DHX34: variants seen among roughly 807,000 people sequenced by gnomAD.
DHX34 encodes DExH-box helicase 34.
DHX34 carries 96 observed loss-of-function variants against 111.1 expected under a neutral mutation model. That is an observed-to-expected ratio of 0.86 (90% CI 0.73 to 1.02). DHX34 has a LOEUF of 1.02. Among genes scored for constraint, DHX34 ranks in the 50% least tolerant of loss-of-function variants. DHX34 has a pLI of 0.00. For missense variants in DHX34, 1,560 were observed against 1,579.9 expected, an observed-to-expected ratio of 0.99 and a Z score of 0.21; for synonymous variants, 688 against 670.4, an observed-to-expected ratio of 1.03 and a Z score of -0.41.
chr19:47,358,109 G>T lies in DHX34; in HGVS notation c.1261G>T (p.Asp421Tyr). The T allele has an allele frequency of 6.2e-7, 1 of 1,607,452 alleles. No homozygotes were observed. Among genetic ancestry groups the T allele is most frequent in the South Asian group, 1.1e-5 (1 of 90,960 alleles). ...ACTGCACAGCGCCCTGTCTGTGGCC[G>T]ACCAGGACAAGGTATCACAGGAAGC... ...LPLHSALSVA[D>Y]QDKVFDVAPP... Residue 421 changes from aspartate (D) to tyrosine (Y), a missense_variant, in exon 4 of 17, where the codon GAC becomes TAC. Physicochemically the swap from Asp to Tyr is radical, Grantham distance 160 (BLOSUM62 -3). Coordinates refer to ENST00000328771, the MANE Select transcript of DHX34 (RefSeq NM_014681.6).
At chr19:47,354,256 T>C (rs56800515) in intron 2 of DHX34, among the ~76,000 whole-genome samples, 15,208 of 151,962 alleles carry the variant, frequency 0.1, 1,063 homozygotes, top group African/African-American at 0.19. Flanking sequence ...AGCCACCACG[T>C]TGGGCTGCGA....
intron 7 of DHX34, 103 bp from the exon 8 acceptor site, chr19:47,372,627 T>C: frequency 7.0e-7 from 1 of 1,421,780 alleles, no homozygotes; most frequent in African/African-American, 1.5e-5. Flanking sequence ...ATGGAGGGGG[T>C]GGGAGCAGGA....
intron 3 of DHX34, 58 bp from the exon 4 acceptor site, chr19:47,357,808 C>A: frequency 6.4e-7 from 1 of 1,565,324 alleles, no homozygotes; most frequent in Non-Finnish European, 8.7e-7. Flanking sequence ...CCTCCCCAGC[C>A]CATTGCTCTG....
chr19:47,359,780 T>G, intron 4 of DHX34, 188 bp from the exon 5 acceptor site: 1 of 924,334 alleles, frequency 1.1e-6, no homozygotes, highest in Non-Finnish European at 1.3e-6. Context: ...AGACTCCGTC[T>G]GAGGGTGGGG....
chr19:47,377,790 G>A (rs1970217519), intron 13 of DHX34, among the ~76,000 whole-genome samples: 1 of 151,966 alleles, frequency 6.6e-6, no homozygotes, highest in African/African-American at 2.4e-5. Context: ...CAGCCAGGAG[G>A]GCTGGCAGCT....
intron 6 of DHX34, among the ~76,000 whole-genome samples, chr19:47,363,237 A>C (rs1219751001): frequency 2.0e-5 from 3 of 152,002 alleles, no homozygotes; most frequent in Non-Finnish European, 4.4e-5. Context: ...TACAGGCATG[A>C]GCCACCGCGC....
chr19:47,380,577 C>T, intron 14 of DHX34: 20 of 969,886 alleles, frequency 2.1e-5, no homozygotes, highest in Non-Finnish European at 2.5e-5. Context: ...TGGGGTCCCA[C>T]CAGTGACAGG....
chr19:47,376,413 G>A lies in DHX34; in HGVS notation c.2482-30G>A, dbSNP rs371172500. 4 of 1,600,220 alleles carry A rather than the reference G, an allele frequency of 2.5e-6. No homozygotes were observed. In the African/African-American group the frequency reaches 5.4e-5, roughly 21 times the overall value. On this transcript the variant is annotated intron_variant, in intron 11 of 16. Transcript: ENST00000328771. ...TGGGCAGAGGAGAGAGCAGATAGGA[G>A]GGCTTGTGCTTTCTCTCTGTCCTCC... is the stretch of plus-strand genomic sequence containing the variant.
chr19:47,360,160 G>C, intron 5 of DHX34, 90 bp downstream of exon 5: 1 of 1,242,946 alleles, frequency 8.0e-7, no homozygotes, highest in South Asian at 1.2e-5. Flanking sequence ...GGGCGCACCA[G>C]CTTGGATTGG....
In DHX34 at chr19:47,380,941, C is replaced by A; in HGVS notation, c.3108C>A (p.Pro1036=). The change falls in exon 15 of 17, where the codon CCC becomes CCA. Residue 1036 remains proline (P), a synonymous_variant. Coordinates refer to ENST00000328771, the MANE Select transcript of DHX34 (RefSeq NM_014681.6). ...LFGSSTLSPH[P]TKGGYAVTDF... is the part of the protein sequence containing the mutation. The stretch of plus-strand genomic sequence containing the variant: ...GCAGCTCCACCCTGTCCCCCCACCC[C>A]ACAAAGGGGGGCTACGCAGTCACTG... The A allele has an allele frequency of 6.2e-7, 1 of 1,606,910 alleles. No individual in the cohort carries two copies. Among genetic ancestry groups the A allele is most frequent in the East Asian group, 2.2e-5 (1 of 44,838 alleles).
In DHX34 at chr19:47,358,116, A is replaced by G. The variant is rs754639072; in HGVS notation, c.1268A>G (p.Asp423Gly). 2 of 1,602,856 alleles carry G rather than the reference A, an allele frequency of 1.2e-6. No individual in the cohort carries two copies. The highest frequency in any genetic ancestry group is 2.2e-5 in the South Asian group (2 of 90,918). Residue 423 changes from aspartate (D) to glycine (G), a missense_variant, in exon 4 of 17, where the codon GAC (aspartate) becomes GGC (glycine). Physicochemically the swap from Asp to Gly is moderately conservative, Grantham distance 94 (BLOSUM62 -1). Transcript: ENST00000328771. ...AGCGCCCTGTCTGTGGCCGACCAGG[A>G]CAAGGTATCACAGGAAGCCCGAGTG... ...LHSALSVADQ[D>G]KVFDVAPPGV...
Position 47,375,672 on chromosome 19 carries a change from AG to A in DHX34, c.2272del (p.Ala758ProfsTer14). 2.6e-6 allele frequency: 4 copies of A among 1,557,324 alleles called. No individual in the cohort carries two copies. The highest frequency in any genetic ancestry group is 1.2e-5 in the South Asian group (1 of 85,980). On this transcript the variant is annotated frameshift_variant, in exon 10 of 17. Transcript: ENST00000328771. LOFTEE classifies it high-confidence loss of function. ...GSSDEDRAGP[A>X]PPGASDGVDI... ...CCAGTGACGAGGACAGGGCTGGCCC[AG>A]CCCCCCCAGGGGCCAGTGATGGCGT...
At chr19:47,381,690 G>C in intron 16 of DHX34, 1 of 687,074 alleles carries the variant, frequency 1.5e-6, no homozygotes, top group South Asian at 2.2e-5. Flanking sequence ...GGTTCAGTGG[G>C]GGAGATAGCA....
rs1970344997 is a variant in DHX34 at position 47,381,195 on chromosome 19, G to C, written c.3169G>C (p.Asp1057His). Residue 1057 changes from aspartate (D) to histidine (H), a missense_variant, in exon 16 of 17, where the codon GAC (aspartate) becomes CAC (histidine). Transcript: ENST00000328771. ...AGCTGGCCTGCCACAGAATGACACA[G>C]ACCTGTACAGCGACTGTCTCCGAAC... The part of the protein sequence containing the change: ...LTYNCLTNDT[D>H]LYSDCLRTFW... 1 of 1,613,958 alleles carries C rather than the reference G, an allele frequency of 6.2e-7. No individual in the cohort carries two copies. Among genetic ancestry groups the C allele is most frequent in the Non-Finnish European group, 8.5e-7 (1 of 1,179,958 alleles).
intron 11 of DHX34, 29 bp from the exon 12 acceptor site, chr19:47,376,414 G>C: frequency 1.2e-6 from 2 of 1,601,210 alleles, no homozygotes; most frequent in Non-Finnish European, 1.7e-6. Context: ...CAGATAGGAG[G>C]GCTTGTGCTT....
intron 13 of DHX34, among the ~76,000 whole-genome samples, chr19:47,378,849 G>C (rs1355118360): frequency 1.3e-5 from 2 of 151,060 alleles, no homozygotes; most frequent in East Asian, 3.9e-4. Context: ...AAAATAATAA[G>C]CCGGGCATGG....
In DHX34 at chr19:47,355,281, C is replaced by T. The variant is rs1969423508; in HGVS notation, c.948C>T (p.Ile316=). ...TCCTCATGTCGGCCACCATCAACAT[C>T]TCGCTCTTCTCCAGCTATTTCAGCA... ...KVILMSATIN[I]SLFSSYFSNA... is the part of the protein sequence containing the mutation. The change falls in exon 3 of 17, where the codon ATC becomes ATT. Residue 316 remains isoleucine (I), a synonymous_variant. Transcript: ENST00000328771. 14 of 1,614,126 alleles carry T rather than the reference C, an allele frequency of 8.7e-6. No individual in the cohort carries two copies. The highest frequency in any genetic ancestry group is 1.1e-5 in the Non-Finnish European group (13 of 1,180,030).
chr19:47,352,449 G>C (rs1164411833), intron 1 of DHX34, among the ~76,000 whole-genome samples: 1 of 152,212 alleles, frequency 6.6e-6, no homozygotes, highest in African/African-American at 2.4e-5. Flanking sequence ...GCTAAGGTGG[G>C]GGAATTGCTT....
In DHX34 at chr19:47,356,554, C is replaced by T. The variant is rs930447437; in HGVS notation, c.1017+1204C>T. Among the ~76,000 whole-genome samples the T allele has an allele frequency of 7.3e-5, 11 of 150,898 alleles. No homozygotes were observed. The South Asian group carries it at 8.4e-4, about 12-fold the overall frequency. On this transcript the variant is annotated intron_variant, in intron 3 of 16. Transcript: ENST00000328771. Reference sequence around the variant, plus strand: ...CTGAGGCAGGAGAATTGCTTGAACCCGGAGGTCGAGGTTGCAGTGAGCCAA... The same window carrying T: ...CTGAGGCAGGAGAATTGCTTGAACCTGGAGGTCGAGGTTGCAGTGAGCCAA...
Sources: allele counts gnomAD v4.1 joint callset (sites outside exome capture counted in the v4.1 genomes callset), GRCh38; gene constraint gnomAD v4.1.1; transcripts MANE v1.5; gene names NCBI Gene and HGNC (gene_info 2026-07-23, HGNC 2026-07-21).